LOC400499: variants seen among roughly 807,000 people sequenced by gnomAD.
the LOC400499 span, chr16:11,385,443 G>A: frequency 8.1e-7 from 1 of 1,228,880 alleles, no homozygotes; most frequent in Non-Finnish European, 1.0e-6. Context: ...CAAAGGCAGG[G>A]TGAGCGGGGC....
At chr16:11,523,438 A>T in the LOC400499 span, 3 of 398,692 alleles carry the variant, frequency 7.5e-6, no homozygotes, top group Non-Finnish European at 4.4e-6. Context: ...GCAGTCATGC[A>T]GGAGGCCACC....
At chr16:11,427,532 C>A in the LOC400499 span, among the ~76,000 whole-genome samples, 20 of 152,040 alleles carry the variant, frequency 1.3e-4, no homozygotes, top group South Asian at 8.3e-4. Flanking sequence ...GCAATGTCCA[C>A]CTCCCAGGCT....
At chr16:11,495,441 C>T in the LOC400499 span, among the ~76,000 whole-genome samples, 8 of 151,150 alleles carry the variant, frequency 5.3e-5, no homozygotes, top group Middle Eastern at 0.02. Context: ...AGTGCAGTGG[C>T]CCTATCTAGG....
At chr16:11,396,457 A>C in the LOC400499 span, 1 of 1,230,252 alleles carries the variant, frequency 8.1e-7, no homozygotes, top group Non-Finnish European at 1.0e-6. Flanking sequence ...GAGGAACCGC[A>C]GGGATGCCGG....
chr16:11,435,391 C>A, the LOC400499 span, among the ~76,000 whole-genome samples: 1 of 152,158 alleles, frequency 6.6e-6, no homozygotes, highest in African/African-American at 2.4e-5. Context: ...TGGGGTATGA[C>A]TCAAGGTGCC....
chr16:11,507,417 C>T, the LOC400499 span, among the ~76,000 whole-genome samples: 3 of 152,286 alleles, frequency 2.0e-5, no homozygotes, highest in South Asian at 2.1e-4. Flanking sequence ...GCACCCAGGG[C>T]GAGAAACCCT....
the LOC400499 span, among the ~76,000 whole-genome samples, chr16:11,465,851 G>A: frequency 6.6e-6 from 1 of 150,830 alleles, no homozygotes; most frequent in Non-Finnish European, 1.5e-5. Context: ...CGTGGGAAGA[G>A]GAAAAGAGAG....
the LOC400499 span, among the ~76,000 whole-genome samples, chr16:11,457,968 G>A: frequency 1.3e-5 from 2 of 152,194 alleles, no homozygotes; most frequent in African/African-American, 2.4e-5. Context: ...ATGGGAGGCC[G>A]AGGCAGGTGG....
chr16:11,391,299 C>T, the LOC400499 span, among the ~76,000 whole-genome samples: 1 of 152,196 alleles, frequency 6.6e-6, no homozygotes, highest in Admixed American at 6.5e-5. Flanking sequence ...CTTTAATGAC[C>T]ACCTGGCCAC....
At chr16:11,384,941 G>A in the LOC400499 span, 1 of 1,232,150 alleles carries the variant, frequency 8.1e-7, no homozygotes, top group Non-Finnish European at 1.0e-6. Flanking sequence ...CACGTCACAG[G>A]AGACAGACAC....
the LOC400499 span, among the ~76,000 whole-genome samples, chr16:11,388,030 C>T: frequency 6.6e-6 from 1 of 152,196 alleles, no homozygotes; most frequent in South Asian, 2.1e-4. Context: ...GATGTCAGCT[C>T]ACATGGGGGT....
the LOC400499 span, chr16:11,446,575 C>T: frequency 6.5e-7 from 1 of 1,535,976 alleles, no homozygotes; most frequent in Non-Finnish European, 8.7e-7. Context: ...AGTAACCAGG[C>T]ACCCCTCTGT....
the LOC400499 span, among the ~76,000 whole-genome samples, chr16:11,388,113 CACTT>C: frequency 6.6e-6 from 1 of 152,078 alleles, no homozygotes; most frequent in Non-Finnish European, 1.5e-5. Flanking sequence ...CAGGTGGCCT[CACTT>C]GCTTACTTCT....
chr16:11,489,557 C>A, the LOC400499 span, among the ~76,000 whole-genome samples: 3,395 of 152,250 alleles, frequency 0.022, 124 homozygotes, highest in African/African-American at 0.078. Flanking sequence ...TTGTCTCAGG[C>A]TCTTAGAAGG....
the LOC400499 span, among the ~76,000 whole-genome samples, chr16:11,459,340 G>T: frequency 9.2e-5 from 14 of 151,730 alleles, no homozygotes; most frequent in South Asian, 1.3e-3. Flanking sequence ...GGGGCTACAG[G>T]CACCTGCCCC....
the LOC400499 span, among the ~76,000 whole-genome samples, chr16:11,377,539 A>G: frequency 6.6e-6 from 1 of 152,222 alleles, no homozygotes; most frequent in Non-Finnish European, 1.5e-5. Context: ...ACTTTGTTAA[A>G]TGCTTTTTCT....
chr16:11,477,493 G>A, the LOC400499 span, among the ~76,000 whole-genome samples: 5 of 152,198 alleles, frequency 3.3e-5, no homozygotes, highest in East Asian at 1.9e-4. Flanking sequence ...TTGGTTGGTC[G>A]GGAGGGCGTC....
chr16:11,514,315 C>T, the LOC400499 span: 5 of 399,110 alleles, frequency 1.3e-5, no homozygotes, highest in Non-Finnish European at 1.3e-5. Flanking sequence ...CAGACCCCCT[C>T]ATGCCACGGC....
chr16:11,473,833 G>C, the LOC400499 span, among the ~76,000 whole-genome samples: 1 of 152,090 alleles, frequency 6.6e-6, no homozygotes, highest in African/African-American at 2.4e-5. Context: ...TAAAGGGCCA[G>C]ATTGTTTGTT....
Sources: allele counts gnomAD v4.1 joint callset (sites outside exome capture counted in the v4.1 genomes callset), GRCh38; gene constraint gnomAD v4.1.1; transcripts MANE v1.5.